The following TTLL11 variants were observed in gnomAD, a reference collection of about 807,000 sequenced individuals.
TTLL11 encodes tubulin polyglutamylase TTLL11.
Under a neutral mutation model 51.7 loss-of-function variants are expected in TTLL11, and 42 were observed. The observed-to-expected ratio is 0.81, with a 90% CI of 0.64 to 1.05. The LOEUF (loss-of-function observed/expected upper bound fraction) is 1.05. Ranked by LOEUF, TTLL11 falls within the 50% of genes least tolerant of loss-of-function variation. TTLL11 has a pLI of 0.00. For missense variants in TTLL11, 799 were observed against 940.4 expected (o/e 0.85, Z 1.97); for synonymous variants, 381 against 383.5 (o/e 0.99, Z 0.08).
At chr9:121,835,283 C>T (rs1174651570) in intron 8 of TTLL11, among the ~76,000 whole-genome samples, 2 of 152,194 alleles carry the variant, frequency 1.3e-5, no homozygotes, top group African/African-American at 4.8e-5. Context: ...GCTGCCAATA[C>T]TCACATTGTT....
chr9:121,894,992 G>A (rs1022238497), intron 6 of TTLL11, among the ~76,000 whole-genome samples: 1 of 113,492 alleles, frequency 8.8e-6, no homozygotes, highest in South Asian at 3.4e-4. Context: ...AAAAGTCAGC[G>A]GGGGTCAGGG....
intron 8 of TTLL11, among the ~76,000 whole-genome samples, chr9:121,841,119 C>T (rs1837332545): frequency 6.6e-6 from 1 of 152,082 alleles, no homozygotes; most frequent in Non-Finnish European, 1.5e-5. Flanking sequence ...CTTGTGCAGG[C>T]AATCAAGGCA....
Position 121,878,409 on chromosome 9 carries a change from T to A in TTLL11, c.1482-7661A>T, listed in dbSNP as rs569727027. Among the ~76,000 whole-genome samples, 741 of 152,312 alleles carry A rather than the reference T, an allele frequency of 4.9e-3. 4 individuals are homozygous for A. The highest frequency in any genetic ancestry group is 0.017 in the African/African-American group (702 of 41,558). ...TACATTCCGGGCTCCCAAGAATTGCTGACATGTAATGTTTGTAATGTGTGT... is the reference window on the plus strand; with the variant it reads ...TACATTCCGGGCTCCCAAGAATTGCAGACATGTAATGTTTGTAATGTGTGT... On this transcript the variant is annotated intron_variant, in intron 6 of 8. Transcript: ENST00000321582.
intron 1 of TTLL11, chr9:122,040,453 AT>A: frequency 1.0e-6 from 1 of 978,232 alleles, no homozygotes; most frequent in Non-Finnish European, 1.2e-6. Context: ...TAATGAACAT[AT>A]TTTTTAAATC....
intron 6 of TTLL11, among the ~76,000 whole-genome samples, chr9:121,880,957 C>T (rs1229936812): frequency 6.6e-6 from 1 of 152,230 alleles, no homozygotes; most frequent in Non-Finnish European, 1.5e-5. Flanking sequence ...TTCTACACCC[C>T]TCTACTTCTG....
At chr9:121,937,054 G>C (rs1841258877) in intron 6 of TTLL11, among the ~76,000 whole-genome samples, 1 of 152,150 alleles carries the variant, frequency 6.6e-6, no homozygotes, top group Non-Finnish European at 1.5e-5. Context: ...CCCATTGCAT[G>C]ATGTTTTACA....
intron 6 of TTLL11, among the ~76,000 whole-genome samples, chr9:121,929,224 A>T (rs984746200): frequency 4.6e-5 from 7 of 152,020 alleles, no homozygotes; most frequent in Non-Finnish European, 8.8e-5. Flanking sequence ...GGCAGATCAC[A>T]AGGTCAGGAG....
rs547494903 is a variant in TTLL11, at chr9:121,988,771, T to C, written c.1269+424A>G. ...TATATGTCTCTCACAACAGACTCTATGCATCAGCAAGCAAGGCCCTGACTT... is the reference window on the plus strand; with the variant it reads ...TATATGTCTCTCACAACAGACTCTACGCATCAGCAAGCAAGGCCCTGACTT... On this transcript the variant is annotated intron_variant, in intron 4 of 8. Coordinates refer to ENST00000321582, the MANE Select transcript of TTLL11 (RefSeq NM_001139442.2). 22 of 229,050 alleles carry C rather than the reference T, an allele frequency of 9.6e-5. No homozygotes were observed. In the South Asian group the frequency reaches 2.4e-3, roughly 25 times the overall value. The allele number at this position is 229,050 out of a possible 1,614,324, so 14.2% of individuals were successfully genotyped here.
intron 3 of TTLL11, among the ~76,000 whole-genome samples, chr9:122,015,538 C>T (rs1843935771): frequency 6.6e-6 from 1 of 152,106 alleles, no homozygotes; most frequent in Admixed American, 6.5e-5. Context: ...CCAGGGATGC[C>T]GTGCTTCAGA....
intron 6 of TTLL11, among the ~76,000 whole-genome samples, chr9:121,909,820 G>C (rs1488820243): frequency 3.3e-5 from 5 of 152,170 alleles, no homozygotes; most frequent in Admixed American, 1.3e-4. Context: ...AATGGTGTTG[G>C]GGCCAAGAGG....
chr9:121,952,086 C>A (rs1841868189), intron 6 of TTLL11, among the ~76,000 whole-genome samples: 1 of 152,178 alleles, frequency 6.6e-6, no homozygotes, highest in Non-Finnish European at 1.5e-5. Context: ...TGCCCATCTC[C>A]TGTCTCATCC....
At chr9:121,933,418 G>A (rs1451479702) in intron 6 of TTLL11, among the ~76,000 whole-genome samples, 3 of 152,180 alleles carry the variant, frequency 2.0e-5, no homozygotes, top group Non-Finnish European at 4.4e-5. Flanking sequence ...AACTGATGGA[G>A]TAATGGAAAG....
rs142281512 is a variant in TTLL11 at position 122,091,341 on chromosome 9, G to A, written c.462+1346C>T. Among the ~76,000 whole-genome samples, 12 of 152,292 alleles carry A rather than the reference G, an allele frequency of 7.9e-5. 1 individual carries two copies. The highest frequency in any genetic ancestry group is 2.9e-4 in the African/African-American group (12 of 41,554). On this transcript the variant is annotated intron_variant, in intron 1 of 8. Coordinates refer to ENST00000321582, the MANE Select transcript of TTLL11 (RefSeq NM_001139442.2). ...ATCTCTGGCCTGGACCTGGGGCCCT[G>A]CCTAGAAACCCAGATACTTTAGAAC...
intron 4 of TTLL11, among the ~76,000 whole-genome samples, chr9:121,986,159 TG>T (rs1473839818): frequency 6.6e-6 from 1 of 152,218 alleles, no homozygotes; most frequent in Non-Finnish European, 1.5e-5. Flanking sequence ...CTTGCAGACA[TG>T]ATCTGTCCAA....
At chr9:122,061,625 GT>G (rs913410703) in intron 1 of TTLL11, among the ~76,000 whole-genome samples, 1 of 151,154 alleles carries the variant, frequency 6.6e-6, no homozygotes, top group East Asian at 1.9e-4. Context: ...AAGACTAAAT[GT>G]TTTTTTTTCT....
In TTLL11 at chr9:121,989,683, G is replaced by C. The variant is rs758710040; in HGVS notation, c.781C>G (p.Leu261Val). The C allele has an allele frequency of 3.1e-6, 5 of 1,614,016 alleles. No individual in the cohort carries two copies. The highest frequency in any genetic ancestry group is 3.4e-6 in the Non-Finnish European group (4 of 1,179,954). ...DGGCQGDGIY[L>V]IKDPSDIRLA... is the part of the protein sequence containing the mutation. ...CGGATGTCACTGGGGTCTTTAATGA[G>C]GTAGATTCCATCACCCTGACAACCA... Residue 261 changes from leucine (L) to valine (V), a missense_variant, in exon 4 of 9, where the codon CTC (leucine) becomes GTC (valine). Leu to Val is a conservative substitution (Grantham distance 32, BLOSUM62 1). This residue lies in a region of TTLL11 where 468 missense variants were observed against 612.8 expected (regional missense o/e 0.76). Coordinates refer to ENST00000321582, the MANE Select transcript of TTLL11 (RefSeq NM_001139442.2). This position sits in a 1 kb window ranked among gnomAD's most constrained non-coding sequence, Gnocchi z 4.2.
At chr9:122,029,237 C>CT (rs1771723742) in intron 3 of TTLL11, among the ~76,000 whole-genome samples, 1 of 152,000 alleles carries the variant, frequency 6.6e-6, no homozygotes, top group Admixed American at 6.5e-5. Context: ...CTATAGTATA[C>CT]TTTTTATTGT....
At chr9:121,882,845 A>C (rs1838849702) in intron 6 of TTLL11, among the ~76,000 whole-genome samples, 1 of 152,164 alleles carries the variant, frequency 6.6e-6, no homozygotes, top group African/African-American at 2.4e-5. Flanking sequence ...AGTACTTTAT[A>C]GTGGAATTTA....
chr9:121,976,613 T>C (rs1842718427), intron 4 of TTLL11, among the ~76,000 whole-genome samples: 1 of 152,208 alleles, frequency 6.6e-6, no homozygotes, highest in Non-Finnish European at 1.5e-5. Context: ...ATCCATTTAC[T>C]AGTCTATATA....
Sources: gnomAD v4.1 joint callset for allele counts (sites outside exome capture counted in the v4.1 genomes callset) on GRCh38, gnomAD v4.1.1 for gene constraint, gnomAD v4.1.1 regional missense constraint, Gnocchi (gnomAD v3.1) non-coding constraint, MANE v1.5 for transcripts, NCBI Gene and HGNC (gene_info 2026-07-23, HGNC 2026-07-21) for gene names.